CNOT4: variants seen among roughly 807,000 people sequenced by gnomAD.
CNOT4 encodes CCR4-associated factor 4.
A neutral mutation model predicts 73.8 loss-of-function variants in CNOT4; 8 were observed. The ratio of observed to expected loss-of-function variants is 0.11; its 90% CI spans 0.06 to 0.20. CNOT4 has a LOEUF of 0.20. CNOT4 is among the 10% of genes least tolerant of loss of function. The pLI, the probability that CNOT4 is intolerant of heterozygous loss-of-function variation, is 1.00. For synonymous variants in CNOT4, 293 were observed against 321.1 expected, an observed-to-expected ratio of 0.91 and a Z score of 0.94; for missense variants, 564 against 883.4, an observed-to-expected ratio of 0.64 and a Z score of 4.58.
At chr7:135,442,424 C>T (rs1386627640) in intron 1 of CNOT4, among the ~76,000 whole-genome samples, 5 of 151,430 alleles carry the variant, frequency 3.3e-5, no homozygotes, top group Non-Finnish European at 7.4e-5. Context: ...TGGTGAAACC[C>T]CGTCTCTACT....
chr7:135,433,723 CT>C (rs1798990830), intron 2 of CNOT4, among the ~76,000 whole-genome samples: 1 of 152,116 alleles, frequency 6.6e-6, no homozygotes, highest in African/African-American at 2.4e-5. Context: ...AATAATAATA[CT>C]TCTGTTGAAG....
chr7:135,371,170 A>G lies in CNOT4; in HGVS notation c.1628-7104T>C, dbSNP rs531392764. On this transcript the variant is annotated intron_variant, in intron 10 of 11. Transcript: ENST00000541284. ...AATGAGGAGGCTGAGTAGGCACTGT[A>G]GTTTAAAGAATTTGTCCCAGGTTAT... 8.5e-5 allele frequency among the ~76,000 whole-genome samples: 13 copies of G among 152,344 alleles called. No individual in the cohort carries two copies. In the South Asian group the frequency reaches 2.7e-3, roughly 32 times the overall value.
chr7:135,494,921 A>G (rs1362337475), intron 1 of CNOT4, among the ~76,000 whole-genome samples: 1 of 152,108 alleles, frequency 6.6e-6, no homozygotes, highest in Non-Finnish European at 1.5e-5. Context: ...ATTTTACTCT[A>G]TTTTACTTCA....
intron 10 of CNOT4, among the ~76,000 whole-genome samples, chr7:135,391,840 A>G (rs1238698929): frequency 6.6e-6 from 1 of 152,078 alleles, no homozygotes; most frequent in Non-Finnish European, 1.5e-5. Context: ...TCGTCATGTA[A>G]TAAGTCAAAT....
chr7:135,435,181 T>C (rs1799076236), intron 2 of CNOT4, among the ~76,000 whole-genome samples: 1 of 152,316 alleles, frequency 6.6e-6, no homozygotes, highest in East Asian at 1.9e-4. Context: ...ATTTCACAAT[T>C]ATATAAACAA....
At chr7:135,503,560 C>T (rs1163987251) in intron 1 of CNOT4, among the ~76,000 whole-genome samples, 1 of 152,156 alleles carries the variant, frequency 6.6e-6, no homozygotes, top group African/African-American at 2.4e-5. Context: ...TTCATACCTA[C>T]TTTTGTACTT....
At chr7:135,436,507 A>C (rs546001609) in intron 2 of CNOT4, among the ~76,000 whole-genome samples, 3 of 76,828 alleles carry the variant, frequency 3.9e-5, no homozygotes, top group Non-Finnish European at 7.4e-5. Context: ...TTTCTAAAAT[A>C]TAACTAAATG....
chr7:135,398,016 G>T (rs1165459998), intron 8 of CNOT4, among the ~76,000 whole-genome samples, 153 bp downstream of exon 8: 3 of 151,994 alleles, frequency 2.0e-5, no homozygotes, highest in Non-Finnish European at 4.4e-5. Flanking sequence ...ATTCTGGGGG[G>T]AAAAGGCTAA....
chr7:135,455,291 T>C (rs1800454501), intron 1 of CNOT4, among the ~76,000 whole-genome samples: 1 of 149,796 alleles, frequency 6.7e-6, no homozygotes, highest in African/African-American at 2.5e-5. Context: ...AAAAAAAAAC[T>C]ATGTGGCGAA....
chr7:135,451,656 C>T (rs1253460031), intron 1 of CNOT4, among the ~76,000 whole-genome samples: 1 of 151,996 alleles, frequency 6.6e-6, no homozygotes, highest in African/African-American at 2.4e-5. Flanking sequence ...ATAAGCAAAC[C>T]CTTAGGGGGA....
intron 10 of CNOT4, among the ~76,000 whole-genome samples, chr7:135,375,410 C>A (rs1050046727): frequency 6.6e-6 from 1 of 152,188 alleles, no homozygotes; most frequent in Non-Finnish European, 1.5e-5. Context: ...TAAAAAATTT[C>A]TAACAATTTT....
intron 7 of CNOT4, among the ~76,000 whole-genome samples, chr7:135,400,446 G>C (rs1796944690): frequency 6.6e-6 from 1 of 152,190 alleles, no homozygotes; most frequent in East Asian, 1.9e-4. Context: ...AAGGCTAAAA[G>C]AAAGATATTA....
chr7:135,375,000 T>A (rs146820588), intron 10 of CNOT4, among the ~76,000 whole-genome samples: 316 of 152,338 alleles, frequency 2.1e-3, no homozygotes, highest in African/African-American at 7.0e-3. Flanking sequence ...TTAGCAATTG[T>A]GTGACCTTAG....
intron 1 of CNOT4, among the ~76,000 whole-genome samples, chr7:135,460,649 A>G (rs1415616690): frequency 4.6e-5 from 7 of 152,232 alleles, no homozygotes; most frequent in African/African-American, 1.4e-4. Context: ...TAATCATTAA[A>G]AAGTGTGAAA....
chr7:135,404,739 G>A (rs991395242), intron 7 of CNOT4, among the ~76,000 whole-genome samples: 2 of 152,066 alleles, frequency 1.3e-5, no homozygotes, highest in Non-Finnish European at 1.5e-5. Context: ...TTTAAAAGAT[G>A]TATACTCCTT....
chr7:135,476,322 A>C (rs992806311), intron 1 of CNOT4, among the ~76,000 whole-genome samples: 1 of 152,200 alleles, frequency 6.6e-6, no homozygotes, highest in Non-Finnish European at 1.5e-5. Flanking sequence ...TAATACACAC[A>C]ATCACACTGC....
intron 1 of CNOT4, among the ~76,000 whole-genome samples, chr7:135,498,238 C>G (rs1803722187): frequency 6.6e-6 from 1 of 152,156 alleles, no homozygotes; most frequent in Middle Eastern, 3.2e-3. Flanking sequence ...CTACATTCGA[C>G]TATAAAAAGT....
At chr7:135,495,747 A>AAAGAAAGG in intron 1 of CNOT4, among the ~76,000 whole-genome samples, 1 of 125,198 alleles carries the variant, frequency 8.0e-6, no homozygotes, top group Non-Finnish European at 1.8e-5. Context: ...AGAAAGAAAG[A>AAAGAAAGG]AAGAAAGAAA....
At chr7:135,504,490 A>ATTT (rs1804225112) in intron 1 of CNOT4, among the ~76,000 whole-genome samples, 1 of 49,132 alleles carries the variant, frequency 2.0e-5, no homozygotes, top group Non-Finnish European at 3.9e-5. Context: ...TTTTTTTTTT[A>ATTT]TTTTTATTTT....
Sources: gnomAD v4.1 joint callset for allele counts (sites outside exome capture counted in the v4.1 genomes callset) on GRCh38, gnomAD v4.1.1 for gene constraint, MANE v1.5 for transcripts, NCBI Gene and HGNC (gene_info 2026-07-23, HGNC 2026-07-21) for gene names.